Variants in RAB5B observed in about 807,000 individuals in gnomAD.
RAB5B encodes RAB5B, member RAS oncogene family, also known as ras-related protein Rab-5B.
A neutral mutation model predicts 28.6 loss-of-function variants in RAB5B; 11 were observed. The ratio of observed to expected loss-of-function variants is 0.38; its 90% confidence interval spans 0.24 to 0.64. The LOEUF (loss-of-function observed/expected upper bound fraction) is 0.64. Among genes scored for constraint, RAB5B ranks in the 30% least tolerant of loss-of-function variants. The pLI, the probability that RAB5B is intolerant of heterozygous loss-of-function variation, is 0.53. For synonymous variants in RAB5B, 93 were observed against 97.9 expected (o/e 0.95, Z 0.29); for missense variants, 169 against 265.6 (o/e 0.64, Z 2.53).
chr12:55,992,792 G>A lies in RAB5B; in HGVS notation c.*580G>A, dbSNP rs1000461817. 3.4e-6 allele frequency: 1 copy of A among 296,660 alleles called. No individual in the cohort carries two copies. 18.4% of individuals were successfully genotyped at this position (296,660 alleles called of 1,614,324 possible). ...GGAGTTTCTCATATTTGAAAACATT[G>A]CGGTATCCATGATTTGGCCTTGTGG... On this transcript the variant is annotated 3_prime_UTR_variant, in exon 6 of 6. Coordinates refer to ENST00000360299, the MANE Select transcript of RAB5B (RefSeq NM_002868.4).
At chr12:55,990,599 T>G in intron 3 of RAB5B, 83 bp from the exon 4 acceptor site, 1 of 1,525,496 alleles carries the variant, frequency 6.6e-7, no homozygotes, top group Non-Finnish European at 8.9e-7. Flanking sequence ...CTAGAAGAGG[T>G]GAATTTTGAG....
intron 1 of RAB5B, among the ~76,000 whole-genome samples, chr12:55,977,502 A>G (rs186783658): frequency 6.6e-6 from 1 of 152,242 alleles, no homozygotes; most frequent in Admixed American, 6.5e-5. Context: ...CATACCTCAT[A>G]TCTTCTAACT....
At chr12:55,980,681 A>T in intron 1 of RAB5B, 1 of 1,590,352 alleles carries the variant, frequency 6.3e-7, no homozygotes, top group Non-Finnish European at 8.6e-7. Flanking sequence ...GTTCCCTAGC[A>T]AGAGGTGCTC....
At chr12:55,986,681 G>A (rs1223617221) in intron 1 of RAB5B, among the ~76,000 whole-genome samples, 188 bp from the exon 2 acceptor site, 2 of 152,072 alleles carry the variant, frequency 1.3e-5, no homozygotes. Flanking sequence ...TATGTGGTAG[G>A]GCAGACTCCA....
chr12:55,981,600 G>T (rs1889810692), intron 1 of RAB5B, among the ~76,000 whole-genome samples: 1 of 151,980 alleles, frequency 6.6e-6, no homozygotes, highest in Non-Finnish European at 1.5e-5. Context: ...GTGGAAGGGG[G>T]CTTGAGGAAT....
intron 3 of RAB5B, 93 bp downstream of exon 3, chr12:55,990,191 T>G (rs941124441): frequency 8.4e-5 from 115 of 1,365,324 alleles, no homozygotes; most frequent in Admixed American, 2.0e-4. Context: ...GGGAGGATCA[T>G]GAGGTCAAGA....
In RAB5B at chr12:55,993,780, C is replaced by T. The variant is rs1370697229; in HGVS notation, c.*1568C>T. The T allele has an allele frequency of 1.3e-5, 2 of 152,558 alleles. No individual in the cohort carries two copies. The highest frequency in any genetic ancestry group is 1.3e-4 in the Admixed American group (2 of 15,268). The allele number at this position is 152,558 out of a possible 1,614,324, so 9.5% of individuals were successfully genotyped here. On this transcript the variant is annotated 3_prime_UTR_variant, in exon 6 of 6. Transcript: ENST00000360299. Reference sequence around the variant, plus strand: ...CCACAGAGGCCTCCTGTGGTGCCCTCGTATCATACCACCTGTTCCTGTGGA... The same window carrying T: ...CCACAGAGGCCTCCTGTGGTGCCCTTGTATCATACCACCTGTTCCTGTGGA...
rs1317497795 is a variant in RAB5B, at chr12:55,981,134, G to A, written c.-92-5735G>A. The A allele has an allele frequency of 7.0e-6, 7 of 1,001,808 alleles. No homozygotes were observed. In the African/African-American group the frequency reaches 7.9e-5, roughly 11 times the overall value. The allele number at this position is 1,001,808 out of a possible 1,614,324, so 62.1% of individuals were successfully genotyped here. A position where few individuals can be genotyped will look rare whatever the true frequency, so the allele number is the denominator to read the frequency against. On this transcript the variant is annotated intron_variant, in intron 1 of 5. Coordinates refer to ENST00000360299, the MANE Select transcript of RAB5B (RefSeq NM_002868.4). ...GCTGGAGTGCAGTCGTGTGATCTCG[G>A]CTCACTGCTACCTCTGCCTCCCAGG...
At position 55,994,560 on chromosome 12, in the gene RAB5B, G is replaced by C. The variant is rs1292935177; in HGVS notation, c.*2348G>C. On this transcript the variant is annotated 3_prime_UTR_variant, in exon 6 of 6. Transcript: ENST00000360299. Reference sequence around the variant, plus strand: ...TTTTCTTCTGGTCAGTTTTTTTAAGGGGGGGTGTTGTGGTTTTTTGTTTTT... The same window carrying C: ...TTTTCTTCTGGTCAGTTTTTTTAAGCGGGGGTGTTGTGGTTTTTTGTTTTT... The C allele has an allele frequency of 2.0e-5, 3 of 152,320 alleles. No homozygotes were observed. Among genetic ancestry groups the C allele is most frequent in the African/African-American group, 7.3e-5 (3 of 41,330 alleles). The allele number at this position is 152,320 out of a possible 1,614,324, so 9.4% of individuals were successfully genotyped here.
chr12:55,985,587 C>T (rs2136481989), intron 1 of RAB5B: 2 of 399,326 alleles, frequency 5.0e-6, no homozygotes, highest in Admixed American at 2.9e-5. Flanking sequence ...CTCTCTGTTC[C>T]CTGCCCCACC....
chr12:55,977,282 CGT>C lies in RAB5B; in HGVS notation c.-93+3158_-93+3159del, dbSNP rs66505706. Among the ~76,000 whole-genome samples the C allele has an allele frequency of 7.3e-5, 11 of 150,958 alleles. No individual in the cohort carries two copies. In the East Asian group the frequency reaches 9.7e-4, roughly 13 times the overall value. On this transcript the variant is annotated intron_variant, in intron 1 of 5. Coordinates refer to ENST00000360299, the MANE Select transcript of RAB5B (RefSeq NM_002868.4). ...GAGCCACCGCGCCTGGCCGTGTGTGCGTGTGTGTGTGTGTGTTTTAATCCTAT... is the reference window on the plus strand; with the variant it reads ...GAGCCACCGCGCCTGGCCGTGTGTGCGTGTGTGTGTGTGTTTTAATCCTAT...
chr12:55,980,872 C>T (rs937005174), intron 1 of RAB5B: 1 of 1,610,944 alleles, frequency 6.2e-7, no homozygotes, highest in Non-Finnish European at 8.5e-7. Flanking sequence ...TGATCTTCTT[C>T]CCCTCTATAT....
chr12:55,986,912 T>G lies in RAB5B; in HGVS notation c.-49T>G. 2 of 130,362 alleles carry G rather than the reference T, an allele frequency of 1.5e-5. No homozygotes were observed. Among genetic ancestry groups the G allele is most frequent in the Non-Finnish European group, 3.0e-5 (2 of 66,316 alleles). 8.1% of individuals were successfully genotyped at this position (130,362 alleles called of 1,614,324 possible). A position where few individuals can be genotyped will look rare whatever the true frequency, so the allele number is the denominator to read the frequency against. On this transcript the variant is annotated 5_prime_UTR_variant, in exon 2 of 6. Coordinates refer to ENST00000360299, the MANE Select transcript of RAB5B (RefSeq NM_002868.4). ...ATCCCCTCCCCTTCCCCCTCCCCCC[T>G]TTACAGTATCCCCCTCCCTCCACCC...
rs1241696720 is a variant in RAB5B at position 55,993,620 on chromosome 12, T to C, written c.*1408T>C. ...TATTCCCACTGTACAGTCTGTTCTA[T>C]CCTCTGCCTCCCATCAGGCCCTGTT... On this transcript the variant is annotated 3_prime_UTR_variant, in exon 6 of 6. Transcript: ENST00000360299. 6.6e-6 allele frequency: 1 copy of C among 152,670 alleles called. No homozygotes were observed. Among genetic ancestry groups the C allele is most frequent in the Non-Finnish European group, 1.5e-5 (1 of 68,052 alleles). The allele number at this position is 152,670 out of a possible 1,614,324, so 9.5% of individuals were successfully genotyped here. A position where few individuals can be genotyped will look rare whatever the true frequency, so the allele number is the denominator to read the frequency against.
rs1471158022 is a variant in RAB5B at position 55,980,786 on chromosome 12, C to T, written c.-92-6083C>T. On this transcript the variant is annotated intron_variant, in intron 1 of 5. Transcript: ENST00000360299. The stretch of plus-strand genomic sequence containing the variant: ...CGTGATGTCGTATGCTAGGATAATG[C>T]CCATGGCTCCACGGTAGTAGGCAGT... 14 of 1,577,410 alleles carry T rather than the reference C, an allele frequency of 8.9e-6. No homozygotes were observed. The Admixed American group carries it at 2.2e-4, about 24-fold the overall frequency.
chr12:55,990,933 G>C, intron 4 of RAB5B, 129 bp downstream of exon 4: 3 of 1,199,250 alleles, frequency 2.5e-6, no homozygotes, highest in Non-Finnish European at 3.5e-6. Flanking sequence ...TCTACACCAA[G>C]TTAAATACAG....
rs1382299877 is a variant in RAB5B at position 55,992,344 on chromosome 12, C to G, written c.*132C>G. Reference sequence around the variant, plus strand: ...CTGGCTCCCAAGGGCTGCCTCCTGACAGCTCCGTCATGGCACTTTTTAACG... The same window carrying G: ...CTGGCTCCCAAGGGCTGCCTCCTGAGAGCTCCGTCATGGCACTTTTTAACG... On this transcript the variant is annotated 3_prime_UTR_variant, in exon 6 of 6. Coordinates refer to ENST00000360299, the MANE Select transcript of RAB5B (RefSeq NM_002868.4). 2.5e-6 allele frequency: 2 copies of G among 790,418 alleles called. No homozygotes were observed. Among genetic ancestry groups the G allele is most frequent in the African/African-American group, 3.5e-5 (2 of 57,842 alleles). The allele number at this position is 790,418 out of a possible 1,614,324, so 49.0% of individuals were successfully genotyped here. A position where few individuals can be genotyped will look rare whatever the true frequency, so the allele number is the denominator to read the frequency against.
intron 1 of RAB5B, among the ~76,000 whole-genome samples, chr12:55,977,655 A>G (rs993886215): frequency 2.6e-5 from 4 of 152,228 alleles, no homozygotes; most frequent in African/African-American, 9.6e-5. Flanking sequence ...GTGTGAGACA[A>G]TGAACTTATA....
chr12:55,990,280 C>T (rs756414209), intron 3 of RAB5B, 182 bp downstream of exon 3: 32 of 597,944 alleles, frequency 5.4e-5, no homozygotes, highest in East Asian at 4.7e-4. Context: ...TGGTGGTGCG[C>T]GCCTGTAGTC....
Sources: allele counts gnomAD v4.1 joint callset (sites outside exome capture counted in the v4.1 genomes callset), GRCh38; gene constraint gnomAD v4.1.1; transcripts MANE v1.5; gene names NCBI Gene and HGNC (gene_info 2026-07-23, HGNC 2026-07-21).